Variants in TECPR2 observed in about 807,000 individuals in gnomAD.
TECPR2 encodes the protein tectonin beta-propeller repeat containing 2, also known as tectonin beta-propeller repeat-containing protein 2.
TECPR2 carries 65 observed loss-of-function variants against 138.1 expected under a neutral mutation model. That is an observed-to-expected ratio of 0.47 (90% CI 0.39 to 0.58). The LOEUF is 0.58. TECPR2 is among the 20% of genes least tolerant of loss of function. The pLI, the probability that TECPR2 is intolerant of heterozygous loss-of-function variation, is 0.00. For synonymous variants in TECPR2, 746 were observed against 749.8 expected (o/e 0.99, Z 0.08); for missense variants, 1,553 against 1,824.5 (o/e 0.85, Z 2.71).
chr14:102,363,323 C>T (rs1022510936), intron 1 of TECPR2, among the ~76,000 whole-genome samples: 3 of 152,198 alleles, frequency 2.0e-5, no homozygotes, highest in Non-Finnish European at 4.4e-5. Flanking sequence ...GAGCGCCTGG[C>T]TCGCCGCCCG....
At chr14:102,395,538 G>A (rs926215727) in intron 2 of TECPR2, among the ~76,000 whole-genome samples, 5 of 152,192 alleles carry the variant, frequency 3.3e-5, no homozygotes. Flanking sequence ...GGTGGCTCAC[G>A]CCTGTAATCC....
Position 102,415,754 on chromosome 14 carries a change from A to G in TECPR2, c.638+961A>G, listed in dbSNP as rs1005772598. On this transcript the variant is annotated intron_variant, in intron 5 of 19. Coordinates refer to ENST00000359520, the MANE Select transcript of TECPR2 (RefSeq NM_014844.5). The surrounding 1 kb of genome is among the most constrained non-coding windows in gnomAD (Gnocchi z 4.3). ...GAAGAGTTCCCGTCTTGTGTCTCCC[A>G]GGAAAGGGCACTGTTTGCCTGCATA... Among the ~76,000 whole-genome samples, 2 of 152,182 alleles carry G rather than the reference A, an allele frequency of 1.3e-5. No individual in the cohort carries two copies. The highest frequency in any genetic ancestry group is 6.5e-5 in the Admixed American group (1 of 15,282).
At chr14:102,426,052 T>G (rs1889312598) in intron 6 of TECPR2, among the ~76,000 whole-genome samples, 1 of 149,748 alleles carries the variant, frequency 6.7e-6, no homozygotes, top group African/African-American at 2.5e-5. Flanking sequence ...GCCTGGCTAA[T>G]TTTTTTGTAT....
chr14:102,428,377 C>T lies in TECPR2; in HGVS notation c.1079C>T (p.Ser360Leu). 1 of 1,608,050 alleles carries T rather than the reference C, an allele frequency of 6.2e-7. No individual in the cohort carries two copies. Among genetic ancestry groups the T allele is most frequent in the Non-Finnish European group, 8.5e-7 (1 of 1,178,436 alleles). ...RISSRPEGLT[S>L]TVRDGLEMSG... ...TCAAGCAGGCCTGAAGGATTAACAT[C>T]AACAGGTTTGTATTTATTATAAAAT... is the stretch of plus-strand genomic sequence containing the variant. Residue 360 changes from serine to leucine, a missense_variant, in exon 7 of 20, where the codon TCA (serine) becomes TTA (leucine). Physicochemically the swap from Ser to Leu is moderately radical, Grantham distance 145. Coordinates refer to ENST00000359520, the MANE Select transcript of TECPR2 (RefSeq NM_014844.5).
chr14:102,388,080 T>G (rs973489680), intron 2 of TECPR2, among the ~76,000 whole-genome samples: 3 of 152,212 alleles, frequency 2.0e-5, no homozygotes, highest in Non-Finnish European at 4.4e-5. Flanking sequence ...AAAGGACAGT[T>G]TTTGTCTCAC....
At chr14:102,367,993 CCTT>C (rs1887390526) in intron 1 of TECPR2, among the ~76,000 whole-genome samples, 2 of 101,126 alleles carry the variant, frequency 2.0e-5, no homozygotes, top group African/African-American at 8.1e-5. Flanking sequence ...TGCTTATTGG[CCTT>C]TTTTTTTTTT....
intron 4 of TECPR2, among the ~76,000 whole-genome samples, chr14:102,412,806 A>G (rs577452049): frequency 4.6e-5 from 7 of 152,268 alleles, no homozygotes; most frequent in African/African-American, 1.7e-4. Flanking sequence ...AAAAGTACCT[A>G]TCCTCTGGCC....
At position 102,434,696 on chromosome 14, in the gene TECPR2, G is replaced by A. The variant is rs1418357547; in HGVS notation, c.1879G>A (p.Gly627Arg). The A allele has an allele frequency of 6.2e-7, 1 of 1,613,456 alleles. No homozygotes were observed. The highest frequency in any genetic ancestry group is 8.5e-7 in the Non-Finnish European group (1 of 1,179,770). The change falls in exon 9 of 20, where the codon GGG (glycine) becomes AGG (arginine). Residue 627 changes from glycine to arginine, a missense_variant. Transcript: ENST00000359520. The stretch of plus-strand genomic sequence containing the variant: ...GGACAGCTCTCCTGGGGCGCATGAT[G>A]GGGAAGACATCCAACCCATTGGCCC... The part of the protein sequence containing the change: ...EQDSSPGAHD[G>R]EDIQPIGPQS...
rs1173849759 is a variant in TECPR2, at chr14:102,411,699, CAAAAAAAAAAAAAAAA to C, written c.481-2920_481-2905del. Reference sequence around the variant, plus strand: ...AGGTGAAATAAACAGCCATGTTGCTCAAAAAAAAAAAAAAAAAAAAAAAAAAAAAAAAGAAGATGGC... The same window carrying C: ...AGGTGAAATAAACAGCCATGTTGCTCAAAAAAAAAAAAAAAAGAAGATGGC... On this transcript the variant is annotated intron_variant, in intron 4 of 19. Coordinates refer to ENST00000359520, the MANE Select transcript of TECPR2 (RefSeq NM_014844.5). 4.5e-4 allele frequency among the ~76,000 whole-genome samples: 21 copies of C among 46,862 alleles called. 1 individual carries two copies. The highest frequency in any genetic ancestry group is 2.3e-3 in the South Asian group (2 of 868). 30.7% of individuals were successfully genotyped at this position (46,862 alleles called of 152,430 possible).
chr14:102,394,090 G>T (rs1276548341), intron 2 of TECPR2, among the ~76,000 whole-genome samples: 1 of 152,162 alleles, frequency 6.6e-6, no homozygotes, highest in Non-Finnish European at 1.5e-5. Flanking sequence ...CAATGCCAGT[G>T]AATTCTGTTA....
intron 2 of TECPR2, among the ~76,000 whole-genome samples, chr14:102,392,350 T>G (rs910466376): frequency 1.4e-4 from 22 of 152,178 alleles, no homozygotes; most frequent in African/African-American, 5.3e-4. Flanking sequence ...GTCTCTAAAC[T>G]TCTCTTTCAT....
intron 6 of TECPR2, among the ~76,000 whole-genome samples, chr14:102,427,149 T>G (rs1889345280): frequency 6.6e-6 from 1 of 152,206 alleles, no homozygotes; most frequent in South Asian, 2.1e-4. Context: ...GCCTTGAGTT[T>G]GTTCATTTTA....
At chr14:102,407,545 G>T in intron 3 of TECPR2, 79 bp downstream of exon 3, 1 of 1,500,316 alleles carries the variant, frequency 6.7e-7, no homozygotes, top group Non-Finnish European at 8.9e-7. Flanking sequence ...ATCCTCATCT[G>T]CTTAGAAAGT....
rs2139730956 is a variant in TECPR2, at chr14:102,434,599, C to T, written c.1782C>T (p.Val594=). 3 of 1,568,688 alleles carry T rather than the reference C, an allele frequency of 1.9e-6. No homozygotes were observed. Among genetic ancestry groups the T allele is most frequent in the Non-Finnish European group, 2.6e-6 (3 of 1,152,690 alleles). The change falls in exon 9 of 20, where the codon GTC becomes GTT. Residue 594 remains valine, a synonymous_variant. Transcript: ENST00000359520. ...GAREDVGGSD[V]TGLGDEPCPA... ...GGGAAGATGTGGGAGGCAGTGATGT[C>T]ACGGGACTCGGAGATGAGCCGTGTC...
In TECPR2 at chr14:102,380,979, G is replaced by GTT. The variant is rs566340573; in HGVS notation, c.219+4053_219+4054dup. 7.5e-4 allele frequency among the ~76,000 whole-genome samples: 101 copies of GTT among 133,934 alleles called. No individual in the cohort carries two copies. The East Asian group carries it at 0.014, about 18-fold the overall frequency. 87.9% of individuals were successfully genotyped at this position (133,934 alleles called of 152,430 possible). A position where few individuals can be genotyped will look rare whatever the true frequency, so the allele number is the denominator to read the frequency against. On this transcript the variant is annotated intron_variant, in intron 2 of 19. Coordinates refer to ENST00000359520, the MANE Select transcript of TECPR2 (RefSeq NM_014844.5). ...AGGCGTGAACCACTGCACCAAGCTT[G>GTT]TTTTTTTTTTTTTTTGGCAGAGTTT... is the stretch of plus-strand genomic sequence containing the variant.
intron 7 of TECPR2, among the ~76,000 whole-genome samples, chr14:102,430,817 A>G (rs552019110): frequency 6.6e-6 from 1 of 152,254 alleles, no homozygotes; most frequent in East Asian, 1.9e-4. Flanking sequence ...GTTTGTTCTA[A>G]TGGAAAATTA....
chr14:102,427,542 A>G (rs1487521343), intron 6 of TECPR2, among the ~76,000 whole-genome samples: 2 of 152,194 alleles, frequency 1.3e-5, no homozygotes, highest in East Asian at 1.9e-4. Context: ...CTTTATTTGC[A>G]CTGTCTACAG....
chr14:102,488,851 A>G lies in TECPR2; in HGVS notation c.3790-8128A>G, dbSNP rs147630099. 1.7e-3 allele frequency among the ~76,000 whole-genome samples: 263 copies of G among 152,022 alleles called. 1 individual carries two copies. Among genetic ancestry groups the G allele is most frequent in the African/African-American group, 6.1e-3 (254 of 41,458 alleles). On this transcript the variant is annotated intron_variant, in intron 17 of 19. Transcript: ENST00000359520. ...GACAGTACATTTGCAATGTTGTGCA[A>G]CCATTGTCACTATATAGTTCCAGAA...
Position 102,438,213 on chromosome 14 carries a change from T to G in TECPR2, c.2578+8T>G, listed in dbSNP as rs1567342020. The G allele has an allele frequency of 4.4e-6, 7 of 1,596,274 alleles. No individual in the cohort carries two copies. The African/African-American group carries it at 6.7e-5, about 15-fold the overall frequency. ...TGGCAGTCTCGCCCTCAGGTTCGCC[T>G]CCCCGCTCCCTGCTCCCGCTCCCTG... On this transcript the variant is annotated splice_region_variant and intron_variant, in intron 10 of 19. Coordinates refer to ENST00000359520, the MANE Select transcript of TECPR2 (RefSeq NM_014844.5).
Sources: allele counts gnomAD v4.1 joint callset (sites outside exome capture counted in the v4.1 genomes callset), GRCh38; gene constraint gnomAD v4.1.1; non-coding constraint Gnocchi (gnomAD v3.1); transcripts MANE v1.5; gene names NCBI Gene and HGNC (gene_info 2026-07-23, HGNC 2026-07-21).